The following TRHDE variants were observed in gnomAD, a reference collection of about 807,000 sequenced individuals.
TRHDE encodes the protein thyrotropin-releasing hormone-degrading ectoenzyme.
Under a neutral mutation model 125.7 loss-of-function variants are expected in TRHDE, and 72 were observed. The observed-to-expected ratio is 0.57, with a 90% CI of 0.47 to 0.70. TRHDE has a LOEUF of 0.70. TRHDE is among the 30% of genes least tolerant of loss of function. The pLI is 0.00. For synonymous variants in TRHDE, 509 were observed against 509.1 expected, an observed-to-expected ratio of 1.00 and a Z score of 0.00; for missense variants, 1,110 against 1,327.1, an observed-to-expected ratio of 0.84 and a Z score of 2.54.
chr12:72,115,263 T>C (rs1373677687), intron 2 of TRHDE, among the ~76,000 whole-genome samples: 1 of 125,202 alleles, frequency 8.0e-6, no homozygotes, highest in Non-Finnish European at 1.6e-5. Context: ...TCTCCATGAG[T>C]TCAATTGTTT....
intron 6 of TRHDE, 36 bp downstream of exon 6, chr12:72,499,671 C>A: frequency 6.2e-7 from 1 of 1,606,092 alleles, no homozygotes; most frequent in Non-Finnish European, 8.5e-7. Flanking sequence ...TTAGATATTT[C>A]ATTACCAAGA....
intron 12 of TRHDE, among the ~76,000 whole-genome samples, chr12:72,586,826 GAAA>G (rs1818020886): frequency 6.6e-6 from 1 of 150,706 alleles, no homozygotes; most frequent in Admixed American, 6.6e-5. Flanking sequence ...CAATAAGGAA[GAAA>G]ATATTGTTAG....
At chr12:72,545,526 T>G (rs1869375078) in intron 7 of TRHDE, among the ~76,000 whole-genome samples, 1 of 151,626 alleles carries the variant, frequency 6.6e-6, no homozygotes, top group Non-Finnish European at 1.5e-5. Flanking sequence ...TTGGGACAGC[T>G]GTTTTAATTT....
chr12:72,196,027 A>C (rs1188945730), intron 2 of TRHDE, among the ~76,000 whole-genome samples: 2 of 152,138 alleles, frequency 1.3e-5, no homozygotes, highest in African/African-American at 4.8e-5. Flanking sequence ...CAAGGATCAG[A>C]TGGCTGTAGG....
At chr12:72,249,128 G>A (rs908528442) in intron 2 of TRHDE, among the ~76,000 whole-genome samples, 2 of 152,004 alleles carry the variant, frequency 1.3e-5, no homozygotes, top group Non-Finnish European at 2.9e-5. Context: ...TCTTCATGAC[G>A]TTGGGGTAGG....
chr12:72,129,654 C>T (rs1469732609), intron 2 of TRHDE, among the ~76,000 whole-genome samples: 1 of 152,186 alleles, frequency 6.6e-6, no homozygotes, highest in African/African-American at 2.4e-5. Context: ...TTCACTGCTA[C>T]TGTCCAACAC....
At chr12:72,592,837 A>G (rs750521407) in intron 12 of TRHDE, among the ~76,000 whole-genome samples, 3 of 151,564 alleles carry the variant, frequency 2.0e-5, no homozygotes, top group Non-Finnish European at 2.9e-5. Context: ...CAGCATCCCG[A>G]GTAGCTGGGA....
At chr12:72,593,909 C>T (rs1371737221) in intron 12 of TRHDE, among the ~76,000 whole-genome samples, 4 of 152,168 alleles carry the variant, frequency 2.6e-5, no homozygotes, top group Non-Finnish European at 5.9e-5. Flanking sequence ...TTAATCCAGT[C>T]TATCATTGAT....
At chr12:72,288,770 A>G (rs1232942651) in intron 2 of TRHDE, among the ~76,000 whole-genome samples, 1 of 152,152 alleles carries the variant, frequency 6.6e-6, no homozygotes, top group Non-Finnish European at 1.5e-5. Context: ...ACACTCTCTA[A>G]TAGTTACTTA....
chr12:72,532,754 C>T (rs1777526186), intron 6 of TRHDE, among the ~76,000 whole-genome samples: 1 of 150,146 alleles, frequency 6.7e-6, no homozygotes, highest in South Asian at 2.1e-4. Context: ...AATATTTTCT[C>T]TCTCTTCATA....
At chr12:72,510,139 G>A (rs1878523356) in intron 6 of TRHDE, among the ~76,000 whole-genome samples, 1 of 152,174 alleles carries the variant, frequency 6.6e-6, no homozygotes, top group East Asian at 1.9e-4. Flanking sequence ...GGCACAATTA[G>A]CCTCCTGTTC....
At chr12:72,299,301 G>A (rs901024054) in intron 2 of TRHDE, among the ~76,000 whole-genome samples, 35 of 152,276 alleles carry the variant, frequency 2.3e-4, no homozygotes, top group African/African-American at 8.2e-4. Context: ...CTAATAGTAC[G>A]ATCTGTCCTC....
intron 3 of TRHDE, among the ~76,000 whole-genome samples, chr12:72,437,176 G>A (rs1565741211): frequency 6.6e-6 from 1 of 151,764 alleles, no homozygotes; most frequent in Non-Finnish European, 1.5e-5. Flanking sequence ...GATAATAAAA[G>A]TATCTTCTTA....
chr12:72,656,898 T>G, intron 17 of TRHDE, 29 bp from the exon 18 acceptor site: 5 of 1,434,708 alleles, frequency 3.5e-6, no homozygotes, highest in Non-Finnish European at 4.9e-6. Context: ...TGACCTGCAT[T>G]GACATTAAGA....
intron 18 of TRHDE, 119 bp downstream of exon 18, chr12:72,657,127 A>C: frequency 1.5e-6 from 1 of 648,832 alleles, no homozygotes; most frequent in East Asian, 3.0e-5. Context: ...ACACACGCAC[A>C]CCACACACAC....
chr12:72,507,554 A>G (rs1878403449), intron 6 of TRHDE, among the ~76,000 whole-genome samples: 1 of 152,206 alleles, frequency 6.6e-6, no homozygotes. Flanking sequence ...GCTGTTTCTA[A>G]TAGTGTGTTC....
chr12:72,121,830 T>C (rs983847943), intron 2 of TRHDE, among the ~76,000 whole-genome samples: 1 of 151,410 alleles, frequency 6.6e-6, no homozygotes, highest in Non-Finnish European at 1.5e-5. Flanking sequence ...CCATGATCTA[T>C]GAGAGAAATT....
intron 2 of TRHDE, among the ~76,000 whole-genome samples, chr12:72,205,456 T>C (rs1259669158): frequency 6.6e-6 from 1 of 152,152 alleles, no homozygotes; most frequent in Non-Finnish European, 1.5e-5. Flanking sequence ...AGCAGATCTC[T>C]AGAACTGTTT....
At chr12:72,129,708 T>C (rs942534562) in intron 2 of TRHDE, among the ~76,000 whole-genome samples, 1 of 152,150 alleles carries the variant, frequency 6.6e-6, no homozygotes, top group African/African-American at 2.4e-5. Flanking sequence ...AAAAAATATA[T>C]ACACAAGACT....
Sources: gnomAD v4.1 joint callset for allele counts (sites outside exome capture counted in the v4.1 genomes callset) on GRCh38, gnomAD v4.1.1 for gene constraint, MANE v1.5 for transcripts, NCBI Gene and HGNC (gene_info 2026-07-23, HGNC 2026-07-21) for gene names.